Variants in ADAM22 observed in about 807,000 individuals in gnomAD.
The protein encoded by ADAM22 is disintegrin and metalloproteinase domain-containing protein 22.
A neutral mutation model predicts 144.6 loss-of-function variants in ADAM22; 65 were observed. The observed-to-expected ratio is 0.45, with a 90% confidence interval of 0.37 to 0.55. The LOEUF (loss-of-function observed/expected upper bound fraction) is 0.55, where lower values mean the gene tolerates loss of function less well. ADAM22 is among the 20% of genes least tolerant of loss of function. The pLI is 0.00. For synonymous variants in ADAM22, 391 were observed against 412.6 expected, an observed-to-expected ratio of 0.95 and a Z score of 0.63; for missense variants, 974 against 1,184.9, an observed-to-expected ratio of 0.82 and a Z score of 2.61.
intron 4 of ADAM22, among the ~76,000 whole-genome samples, chr7:88,084,354 G>A (rs1027103371): frequency 6.6e-6 from 1 of 152,086 alleles, no homozygotes; most frequent in African/African-American, 2.4e-5. Context: ...GTCATACCAG[G>A]GAAATGATAA....
intron 26 of ADAM22, among the ~76,000 whole-genome samples, chr7:88,177,632 T>C (rs1281310270): frequency 1.3e-5 from 2 of 152,110 alleles, no homozygotes; most frequent in Admixed American, 6.6e-5. Flanking sequence ...AACTGAAAAA[T>C]CTTTCAGATT....
At chr7:88,113,787 CTGTTT>C (rs1826961579) in intron 5 of ADAM22, among the ~76,000 whole-genome samples, 1 of 128,486 alleles carries the variant, frequency 7.8e-6, no homozygotes, top group Non-Finnish European at 1.6e-5. Flanking sequence ...GAGAATTGGT[CTGTTT>C]TGTTTGCTAT....
chr7:87,949,513 G>A (rs751309577), intron 2 of ADAM22, among the ~76,000 whole-genome samples: 1 of 152,168 alleles, frequency 6.6e-6, no homozygotes, highest in Non-Finnish European at 1.5e-5. Context: ...ACCAGACTTT[G>A]TCATTCGCTG....
chr7:88,038,165 A>C (rs1303462551), intron 3 of ADAM22, among the ~76,000 whole-genome samples: 3 of 150,950 alleles, frequency 2.0e-5, no homozygotes, highest in Non-Finnish European at 4.5e-5. Flanking sequence ...TGGATAGATA[A>C]GTATACTCCA....
intron 5 of ADAM22, among the ~76,000 whole-genome samples, chr7:88,113,811 C>T (rs138157119): frequency 2.7e-4 from 39 of 144,408 alleles, no homozygotes; most frequent in African/African-American, 9.8e-4. Context: ...ATTGTATCCC[C>T]AGCACCTAGA....
chr7:88,160,280 C>G (rs1275529682), intron 22 of ADAM22, among the ~76,000 whole-genome samples: 3 of 152,106 alleles, frequency 2.0e-5, no homozygotes, highest in African/African-American at 4.8e-5. Context: ...GAAAAACATT[C>G]CGTGGTTGTG....
At chr7:87,969,132 C>A (rs1390200035) in intron 2 of ADAM22, among the ~76,000 whole-genome samples, 1 of 152,192 alleles carries the variant, frequency 6.6e-6, no homozygotes, top group Non-Finnish European at 1.5e-5. Context: ...AAATCCTAAC[C>A]ATATCACCAA....
chr7:88,145,592 C>T, intron 17 of ADAM22, 85 bp downstream of exon 17: 3 of 1,076,852 alleles, frequency 2.8e-6, no homozygotes, highest in East Asian at 2.5e-5. Context: ...AATCTAATAA[C>T]AGAAATAGTA....
chr7:88,196,214 T>C (rs1850640067), intron 31 of ADAM22, among the ~76,000 whole-genome samples: 1 of 152,234 alleles, frequency 6.6e-6, no homozygotes, highest in South Asian at 2.1e-4. Flanking sequence ...TCAAAATGTT[T>C]AGTAACATTA....
intron 22 of ADAM22, among the ~76,000 whole-genome samples, chr7:88,159,658 CAT>C (rs1187246148): frequency 6.6e-6 from 1 of 152,126 alleles, no homozygotes; most frequent in African/African-American, 2.4e-5. Context: ...ACAAAAACCA[CAT>C]GATTATCTCA....
At chr7:88,021,923 G>A (rs926455533) in intron 3 of ADAM22, among the ~76,000 whole-genome samples, 3 of 151,500 alleles carry the variant, frequency 2.0e-5, no homozygotes, top group African/African-American at 7.3e-5. Flanking sequence ...CTCAGGCTGG[G>A]GTGCAGTGGT....
In ADAM22 at chr7:88,150,360, A is replaced by G. The variant is rs144187376; in HGVS notation, c.1567-621A>G. Among the ~76,000 whole-genome samples, 342 of 152,284 alleles carry G rather than the reference A, an allele frequency of 2.2e-3. 2 individuals are homozygous for G. Among genetic ancestry groups the G allele is most frequent in the Non-Finnish European group, 3.6e-3 (247 of 68,018 alleles). ...CATCAGAAGACAAAGAGGCAACATA[A>G]TTGCATGCTTTGCTGTCTGTTTATA... On this transcript the variant is annotated intron_variant, in intron 18 of 31. Transcript: ENST00000413139.
intron 18 of ADAM22, among the ~76,000 whole-genome samples, chr7:88,150,393 A>G (rs1468503416): frequency 1.3e-5 from 2 of 152,212 alleles, no homozygotes; most frequent in African/African-American, 4.8e-5. Flanking sequence ...ATACTCATTC[A>G]ATATTGCCTT....
chr7:87,964,015 C>G (rs1848540587), intron 2 of ADAM22, among the ~76,000 whole-genome samples: 1 of 152,086 alleles, frequency 6.6e-6, no homozygotes. Context: ...AGATATATTT[C>G]AGAGCTAAGG....
In ADAM22 at chr7:88,200,393, C is replaced by T. The variant is rs907318022; in HGVS notation, c.*3902C>T. 3.3e-5 allele frequency: 5 copies of T among 152,176 alleles called. No individual in the cohort carries two copies. The highest frequency in any genetic ancestry group is 1.2e-4 in the African/African-American group (5 of 41,520). 9.4% of individuals were successfully genotyped at this position (152,176 alleles called of 1,614,324 possible). A position where few individuals can be genotyped will look rare whatever the true frequency, so the allele number is the denominator to read the frequency against. ...TTGTAGAGTATATGGAAGGGGAGAG[C>T]CAAGTTAGGAACTGGCAGGAGCGAG... On this transcript the variant is annotated 3_prime_UTR_variant, in exon 32 of 32. Coordinates refer to ENST00000413139, the MANE Select transcript of ADAM22 (RefSeq NM_001324418.2).
chr7:88,131,581 A>G lies in ADAM22; in HGVS notation c.992+146A>G, dbSNP rs1323122389. On this transcript the variant is annotated intron_variant, in intron 11 of 31. Transcript: ENST00000413139. Reference sequence around the variant, plus strand: ...ATAGATTTGGAAAAAGTTTTCAAGTATAGATTGCTTAAAATTGCCATGAAA... The same window carrying G: ...ATAGATTTGGAAAAAGTTTTCAAGTGTAGATTGCTTAAAATTGCCATGAAA... The G allele has an allele frequency of 5.6e-6, 4 of 710,908 alleles. No homozygotes were observed. The African/African-American group carries it at 7.1e-5, about 13-fold the overall frequency. 44.0% of individuals were successfully genotyped at this position (710,908 alleles called of 1,614,324 possible). A position where few individuals can be genotyped will look rare whatever the true frequency, so the allele number is the denominator to read the frequency against.
chr7:88,151,414 T>C (rs1838342565), intron 20 of ADAM22, 94 bp downstream of exon 20: 2 of 1,390,126 alleles, frequency 1.4e-6, no homozygotes, highest in Admixed American at 1.7e-5. Context: ...TTGACTACTT[T>C]ATGACTGGGG....
chr7:87,994,283 C>G (rs1390426224), intron 3 of ADAM22, among the ~76,000 whole-genome samples: 1 of 151,964 alleles, frequency 6.6e-6, no homozygotes, highest in African/African-American at 2.4e-5. Context: ...GCCTCAGCCT[C>G]GTGAGTAGCT....
intron 3 of ADAM22, among the ~76,000 whole-genome samples, chr7:87,987,070 T>C (rs1788650531): frequency 6.6e-6 from 1 of 152,228 alleles, no homozygotes; most frequent in African/African-American, 2.4e-5. Flanking sequence ...TAAATGTTTT[T>C]GCATAAATCC....
Sources: gnomAD v4.1 joint callset for allele counts (sites outside exome capture counted in the v4.1 genomes callset) on GRCh38, gnomAD v4.1.1 for gene constraint, MANE v1.5 for transcripts, NCBI Gene and HGNC (gene_info 2026-07-23, HGNC 2026-07-21) for gene names.